TEC: variants seen among roughly 807,000 people sequenced by gnomAD.
The protein encoded by TEC is tyrosine-protein kinase Tec.
A neutral mutation model predicts 93.0 loss-of-function variants in TEC; 72 were observed. That is an observed-to-expected ratio of 0.77 (90% CI 0.64 to 0.94). The LOEUF (loss-of-function observed/expected upper bound fraction) is 0.94, where lower values mean the gene tolerates loss of function less well. Among genes scored for constraint, TEC ranks in the 40% least tolerant of loss-of-function variants. TEC has a pLI of 0.00. For missense variants in TEC, 630 were observed against 757.9 expected (o/e 0.83, Z 1.98); for synonymous variants, 249 against 247.7 (o/e 1.01, Z -0.05).
chr4:48,226,250 G>A (rs1465934894), intron 2 of TEC, among the ~76,000 whole-genome samples: 8 of 152,066 alleles, frequency 5.3e-5, no homozygotes, highest in Non-Finnish European at 8.8e-5. Flanking sequence ...TAAAAAAATT[G>A]CATTTTACCA....
At chr4:48,215,498 C>T (rs1723049000) in intron 2 of TEC, among the ~76,000 whole-genome samples, 1 of 152,074 alleles carries the variant, frequency 6.6e-6, no homozygotes, top group South Asian at 2.1e-4. Context: ...TAGAGTGAGA[C>T]CCTGTCTCAA....
intron 2 of TEC, among the ~76,000 whole-genome samples, chr4:48,210,257 A>G (rs1722855709): frequency 2.0e-5 from 3 of 152,122 alleles, no homozygotes; most frequent in African/African-American, 7.2e-5. Flanking sequence ...CTGAGGCAGG[A>G]GGATCCCTTG....
intron 8 of TEC, 66 bp downstream of exon 8, chr4:48,163,636 C>G: frequency 9.6e-7 from 1 of 1,043,634 alleles, no homozygotes; most frequent in Non-Finnish European, 1.4e-6. Context: ...CTTCAAAATG[C>G]CTTACATAAT....
At chr4:48,158,429 T>C (rs959467167) in intron 8 of TEC, among the ~76,000 whole-genome samples, 2 of 152,212 alleles carry the variant, frequency 1.3e-5, no homozygotes, top group Non-Finnish European at 2.9e-5. Flanking sequence ...GATCAATACA[T>C]TTCTGAATGC....
intron 10 of TEC, 128 bp from the exon 11 acceptor site, chr4:48,149,818 C>T: frequency 1.2e-6 from 1 of 868,090 alleles, no homozygotes; most frequent in Non-Finnish European, 1.6e-6. Flanking sequence ...ACAAATTTTA[C>T]TTTCCCCTTG....
At chr4:48,208,376 GGCAACATACATGAATTA>G (rs1560409242) in intron 2 of TEC, among the ~76,000 whole-genome samples, 1 of 152,094 alleles carries the variant, frequency 6.6e-6, no homozygotes, top group African/African-American at 2.4e-5. Context: ...GCCCTGGCGT[GGCAACATACATGAATTA>G]GCAACATCTT....
intron 2 of TEC, among the ~76,000 whole-genome samples, chr4:48,207,143 G>T (rs910654912): frequency 1.3e-5 from 2 of 152,200 alleles, no homozygotes; most frequent in Non-Finnish European, 2.9e-5. Flanking sequence ...CAGGTCAGAA[G>T]AATGGACCAG....
At chr4:48,179,545 C>T (rs897851603) in intron 2 of TEC, among the ~76,000 whole-genome samples, 1 of 151,050 alleles carries the variant, frequency 6.6e-6, no homozygotes, top group Non-Finnish European at 1.5e-5. Flanking sequence ...TGTGCCACCA[C>T]GCCCAGCTAA....
intron 1 of TEC, among the ~76,000 whole-genome samples, chr4:48,263,830 C>T (rs1724563030): frequency 6.6e-6 from 1 of 152,132 alleles, no homozygotes; most frequent in South Asian, 2.1e-4. Context: ...GTAGTGTACA[C>T]TTAGAGTTGT....
At chr4:48,180,602 T>C (rs927660007) in intron 2 of TEC, among the ~76,000 whole-genome samples, 4 of 152,136 alleles carry the variant, frequency 2.6e-5, no homozygotes, top group African/African-American at 9.7e-5. Flanking sequence ...ACAGAGATAA[T>C]GGAGAGAGTT....
At chr4:48,202,215 T>A (rs1722548102) in intron 2 of TEC, among the ~76,000 whole-genome samples, 2 of 152,134 alleles carry the variant, frequency 1.3e-5, no homozygotes, top group Non-Finnish European at 2.9e-5. Flanking sequence ...TGTAAAGGCA[T>A]ATGGGGTAGA....
At chr4:48,153,803 A>T (rs1352097319) in intron 9 of TEC, among the ~76,000 whole-genome samples, 1 of 152,206 alleles carries the variant, frequency 6.6e-6, no homozygotes, top group Non-Finnish European at 1.5e-5. Flanking sequence ...CTACCCACCC[A>T]GCCCTGCAGC....
intron 9 of TEC, among the ~76,000 whole-genome samples, chr4:48,152,827 T>C (rs1323648276): frequency 1.3e-5 from 2 of 152,088 alleles, no homozygotes; most frequent in African/African-American, 4.8e-5. Context: ...TTTTTTAACA[T>C]CAACTACAAA....
At chr4:48,141,233 T>G in intron 15 of TEC, 122 bp downstream of exon 15, 2 of 826,420 alleles carry the variant, frequency 2.4e-6, no homozygotes, top group Non-Finnish European at 2.0e-6. Context: ...TATACTTAAT[T>G]TAATCTGAGA....
chr4:48,257,205 A>G (rs1333112158), intron 1 of TEC, among the ~76,000 whole-genome samples: 1 of 152,202 alleles, frequency 6.6e-6, no homozygotes, highest in African/African-American at 2.4e-5. Flanking sequence ...TACATGAAAT[A>G]TATTATTAAA....
intron 2 of TEC, among the ~76,000 whole-genome samples, chr4:48,188,249 GAAAGAAACTTTCTATT>G (rs1274277062): frequency 1.3e-5 from 2 of 152,166 alleles, no homozygotes; most frequent in Non-Finnish European, 2.9e-5. Context: ...ATGTAAGGAA[GAAAGAAACTTTCTATT>G]GTGGTAAGGC....
intron 2 of TEC, among the ~76,000 whole-genome samples, chr4:48,207,638 A>T (rs1314377673): frequency 4.8e-5 from 7 of 147,212 alleles, no homozygotes; most frequent in Non-Finnish European, 1.0e-4. Flanking sequence ...AAAAAAAAAA[A>T]TTAGCCGTGC....
chr4:48,247,754 T>C (rs1470323061), intron 1 of TEC, among the ~76,000 whole-genome samples: 2 of 152,180 alleles, frequency 1.3e-5, no homozygotes, highest in East Asian at 3.9e-4. Flanking sequence ...TCTGAGATAA[T>C]GGTAATCTTC....
At chr4:48,258,232 C>T (rs536659887) in intron 1 of TEC, among the ~76,000 whole-genome samples, 8 of 151,764 alleles carry the variant, frequency 5.3e-5, no homozygotes, top group African/African-American at 1.9e-4. Flanking sequence ...ACCTCTGCCT[C>T]CCAGGTTCAA....
Sources: allele counts gnomAD v4.1 joint callset (sites outside exome capture counted in the v4.1 genomes callset), GRCh38; gene constraint gnomAD v4.1.1; transcripts MANE v1.5; gene names NCBI Gene and HGNC (gene_info 2026-07-23, HGNC 2026-07-21).